FUT8: variants seen among roughly 807,000 people sequenced by gnomAD.
FUT8 encodes the protein alpha-(1,6)-fucosyltransferase.
A neutral mutation model predicts 71.3 loss-of-function variants in FUT8; 29 were observed. That is an observed-to-expected ratio of 0.41 (90% CI 0.30 to 0.55). The LOEUF (loss-of-function observed/expected upper bound fraction) is 0.55. Ranked by LOEUF, FUT8 falls within the 20% of genes least tolerant of loss-of-function variation. FUT8 has a pLI of 0.34. For missense variants in FUT8, 544 were observed against 702.1 expected, an observed-to-expected ratio of 0.77 and a Z score of 2.55; for synonymous variants, 254 against 239.3, an observed-to-expected ratio of 1.06 and a Z score of -0.57.
rs2898815 is a variant in FUT8, at chr14:65,553,129, G to C, written c.-227-8208G>C. Among the ~76,000 whole-genome samples, 919 of 152,202 alleles carry C rather than the reference G, an allele frequency of 6.0e-3. 9 individuals are homozygous for C. The highest frequency in any genetic ancestry group is 0.01 in the Non-Finnish European group (687 of 68,006). On this transcript the variant is annotated intron_variant, in intron 2 of 10. Coordinates refer to ENST00000673929, the MANE Select transcript of FUT8 (RefSeq NM_001371533.1). ...CACCACCAGTTTTAATTTATTTATA[G>C]AGACAGGGTCTCACTATGTTGCTCA...
At chr14:65,476,344 A>C (rs1385680790) in intron 2 of FUT8, among the ~76,000 whole-genome samples, 1 of 152,190 alleles carries the variant, frequency 6.6e-6, no homozygotes, top group Admixed American at 6.5e-5. Flanking sequence ...AGCATTGTGC[A>C]ATGACAAAGC....
In FUT8 at chr14:65,489,716, AT is replaced by A. The variant is rs2066456816; in HGVS notation, c.-228+34001del. 6.6e-6 allele frequency among the ~76,000 whole-genome samples: 1 copy of A among 152,126 alleles called. No homozygotes were observed. Among genetic ancestry groups the A allele is most frequent in the Admixed American group, 6.5e-5 (1 of 15,270 alleles). ...AGTAAAATGCATCATTAGAAAATGT[AT>A]TTGGAATTACATTAAAAAGGATTCT... is the stretch of plus-strand genomic sequence containing the variant. On this transcript the variant is annotated intron_variant, in intron 2 of 10. Coordinates refer to ENST00000673929, the MANE Select transcript of FUT8 (RefSeq NM_001371533.1). This position sits in a 1 kb window ranked among gnomAD's most constrained non-coding sequence, Gnocchi z 4.0.
chr14:65,628,711 C>T (rs1007750517), intron 5 of FUT8, among the ~76,000 whole-genome samples: 3 of 152,074 alleles, frequency 2.0e-5, no homozygotes, highest in African/African-American at 7.2e-5. Flanking sequence ...TTTTACTTTA[C>T]TCTGCAGGTA....
At chr14:65,667,833 T>C (rs72716421) in intron 6 of FUT8, among the ~76,000 whole-genome samples, 20,901 of 151,960 alleles carry the variant, frequency 0.14, 1,955 homozygotes, top group South Asian at 0.28. Flanking sequence ...CCATACCATG[T>C]ATCACCATAC....
intron 6 of FUT8, among the ~76,000 whole-genome samples, chr14:65,637,875 C>A (rs1311032809): frequency 6.6e-6 from 1 of 152,124 alleles, no homozygotes; most frequent in East Asian, 1.9e-4. Flanking sequence ...AGAGGTAAAG[C>A]TCCCTCCTAG....
At chr14:65,528,917 T>C (rs976187682) in intron 2 of FUT8, 3 of 152,956 alleles carry the variant, frequency 2.0e-5, no homozygotes, top group Non-Finnish European at 2.9e-5. Context: ...ATTGGTTTTA[T>C]TGATTTTAGC....
At chr14:65,665,883 G>A (rs1892187648) in intron 6 of FUT8, among the ~76,000 whole-genome samples, 1 of 152,108 alleles carries the variant, frequency 6.6e-6, no homozygotes, top group Admixed American at 6.6e-5. Flanking sequence ...GCTAAATGAA[G>A]AGAACACATG....
At chr14:65,621,804 G>T (rs746053047) in intron 5 of FUT8, among the ~76,000 whole-genome samples, 1 of 150,442 alleles carries the variant, frequency 6.6e-6, no homozygotes, top group African/African-American at 2.4e-5. Context: ...CAGGTGATCC[G>T]CCCACCTTGG....
Position 65,616,035 on chromosome 14 carries a change from A to G in FUT8, c.261A>G (p.Glu87=). The part of the protein sequence containing the change: ...GPAIGRVRVL[E]EQLVKAKEQI... ...CTATAGGAAGAGTACGCGTTTTAGAAGAGCAGCTTGTTAAGGCCAAAGAAC... is the reference window on the plus strand; with the variant it reads ...CTATAGGAAGAGTACGCGTTTTAGAGGAGCAGCTTGTTAAGGCCAAAGAAC... The change falls in exon 4 of 11, where the codon GAA becomes GAG. Residue 87 remains glutamate (E), a synonymous_variant. Coordinates refer to ENST00000673929, the MANE Select transcript of FUT8 (RefSeq NM_001371533.1). The G allele has an allele frequency of 6.2e-7, 1 of 1,614,080 alleles. No homozygotes were observed. Among genetic ancestry groups the G allele is most frequent in the Non-Finnish European group, 8.5e-7 (1 of 1,179,932 alleles).
chr14:65,367,452 A>G, the FUT8 span, among the ~76,000 whole-genome samples: 2 of 152,154 alleles, frequency 1.3e-5, no homozygotes, highest in African/African-American at 4.8e-5. Flanking sequence ...AACTACCCTT[A>G]TTTTGTAACC....
At chr14:65,722,131 C>T (rs888582211) in intron 8 of FUT8, 110 bp downstream of exon 8, 11 of 1,341,614 alleles carry the variant, frequency 8.2e-6, no homozygotes, top group African/African-American at 5.8e-5. Context: ...TATAGTCCCA[C>T]CAAAGGACAG....
intron 2 of FUT8, chr14:65,479,871 AT>A (rs775198525): frequency 1.8e-4 from 28 of 152,180 alleles, no homozygotes; most frequent in Middle Eastern, 3.4e-3. Context: ...TTTAATTCAT[AT>A]TTTTTATCTA....
At chr14:65,534,375 G>A (rs1267115799) in intron 2 of FUT8, among the ~76,000 whole-genome samples, 1 of 151,504 alleles carries the variant, frequency 6.6e-6, no homozygotes, top group Non-Finnish European at 1.5e-5. Context: ...CTCTTTCTTT[G>A]TTGTATGTCT....
chr14:65,538,519 C>T (rs1884481041), intron 2 of FUT8, among the ~76,000 whole-genome samples: 1 of 152,158 alleles, frequency 6.6e-6, no homozygotes, highest in Admixed American at 6.6e-5. Context: ...ATCTATGGCT[C>T]CTGGAGCTGA....
intron 2 of FUT8, among the ~76,000 whole-genome samples, chr14:65,557,858 T>C (rs991887950): frequency 6.6e-6 from 1 of 152,168 alleles, no homozygotes; most frequent in Admixed American, 6.5e-5. Flanking sequence ...ATATATGTAA[T>C]TTTTAAATAT....
chr14:65,463,589 G>T (rs951637877), intron 2 of FUT8, among the ~76,000 whole-genome samples: 4 of 152,142 alleles, frequency 2.6e-5, no homozygotes, highest in Non-Finnish European at 5.9e-5. Flanking sequence ...TAGTGTTAAA[G>T]AAAAGAATGT....
chr14:65,538,685 C>T (rs1222597921), intron 2 of FUT8, among the ~76,000 whole-genome samples: 5 of 152,032 alleles, frequency 3.3e-5, no homozygotes, highest in East Asian at 3.9e-4. Flanking sequence ...TTTGGGTGGC[C>T]GAGGTAGGTG....
the FUT8 span, among the ~76,000 whole-genome samples, chr14:65,405,197 T>A: frequency 2.8e-4 from 43 of 152,268 alleles, no homozygotes; most frequent in South Asian, 4.1e-4. Context: ...ATGATTTTTT[T>A]AAAAAATGTA....
chr14:65,369,217 G>T, the FUT8 span, among the ~76,000 whole-genome samples: 2 of 152,162 alleles, frequency 1.3e-5, no homozygotes, highest in South Asian at 2.1e-4. The surrounding 1 kb of genome is among the most constrained non-coding windows in gnomAD (Gnocchi z 4.6). Flanking sequence ...AGGAAAAGAG[G>T]AAAGACCAGG....
Sources: allele counts gnomAD v4.1 joint callset (sites outside exome capture counted in the v4.1 genomes callset), GRCh38; gene constraint gnomAD v4.1.1; non-coding constraint Gnocchi (gnomAD v3.1); transcripts MANE v1.5; gene names NCBI Gene and HGNC (gene_info 2026-07-23, HGNC 2026-07-21).